The following FOXP1 variants were observed in gnomAD, a reference collection of about 807,000 sequenced individuals.
The protein encoded by FOXP1 is forkhead box P1.
A neutral mutation model predicts 98.2 loss-of-function variants in FOXP1; 15 were observed. That is an observed-to-expected ratio of 0.15 (90% CI 0.10 to 0.24). The LOEUF is 0.24. Ranked by LOEUF, FOXP1 falls within the 10% of genes least tolerant of loss-of-function variation. The probability of loss-of-function intolerance (pLI) is 1.00; values close to 1 mark genes in which losing one functional copy is unlikely to be tolerated. For synonymous variants in FOXP1, 371 were observed against 314.5 expected (o/e 1.18, Z -1.90); for missense variants, 633 against 848.5 (o/e 0.75, Z 3.15).
At chr3:71,147,147 A>C (rs2060350138) in intron 6 of FOXP1, among the ~76,000 whole-genome samples, 1 of 152,314 alleles carries the variant, frequency 6.6e-6, no homozygotes, top group Non-Finnish European at 1.5e-5. Flanking sequence ...CTGGGTCTGC[A>C]CCAAGTAGGC....
At chr3:71,015,926 T>C (rs1453100914) in intron 11 of FOXP1, among the ~76,000 whole-genome samples, 1 of 152,232 alleles carries the variant, frequency 6.6e-6, no homozygotes, top group Non-Finnish European at 1.5e-5. Context: ...TGCAAAGCTC[T>C]TTACTCAGAC....
intron 3 of FOXP1, among the ~76,000 whole-genome samples, chr3:71,475,904 A>G (rs560912047): frequency 1.8e-3 from 73 of 40,846 alleles, no homozygotes; most frequent in African/African-American, 3.1e-3. Context: ...TCTTCAAGGG[A>G]AAAAAAAAAA....
At chr3:71,055,516 T>C (rs2050501984) in intron 7 of FOXP1, among the ~76,000 whole-genome samples, 1 of 152,216 alleles carries the variant, frequency 6.6e-6, no homozygotes, top group African/African-American at 2.4e-5. Context: ...AAATTACCCT[T>C]TTAAAAAGAT....
chr3:71,203,024 C>CA (rs1398609375), intron 5 of FOXP1, among the ~76,000 whole-genome samples: 2 of 152,186 alleles, frequency 1.3e-5, no homozygotes, highest in Non-Finnish European at 2.9e-5. Flanking sequence ...AACTGCCTTG[C>CA]TCCATGACAT....
chr3:71,042,076 T>C (rs1252280248), intron 10 of FOXP1, among the ~76,000 whole-genome samples: 1 of 152,226 alleles, frequency 6.6e-6, no homozygotes, highest in Non-Finnish European at 1.5e-5. Flanking sequence ...TCAAATTGAT[T>C]ATACTATGAT....
chr3:71,542,234 G>A (rs944306818), intron 2 of FOXP1: 5 of 364,226 alleles, frequency 1.4e-5, no homozygotes, highest in African/African-American at 1.1e-4. Flanking sequence ...TATTTTCATT[G>A]GTTAAACCAA....
chr3:71,540,180 AGGT>A (rs1228944580), intron 2 of FOXP1, among the ~76,000 whole-genome samples: 3 of 152,254 alleles, frequency 2.0e-5, no homozygotes, highest in South Asian at 4.1e-4. Context: ...GGCCCCTGCC[AGGT>A]GACAAATCCC....
chr3:71,577,122 T>C (rs977991529), intron 2 of FOXP1, among the ~76,000 whole-genome samples: 1 of 152,182 alleles, frequency 6.6e-6, no homozygotes, highest in Non-Finnish European at 1.5e-5. Flanking sequence ...AGCTGACTTC[T>C]AAACAAGGAT....
intron 2 of FOXP1, among the ~76,000 whole-genome samples, chr3:71,497,167 A>C (rs1039467066): frequency 2.0e-5 from 3 of 152,128 alleles, no homozygotes; most frequent in African/African-American, 4.8e-5. Context: ...CAAAAACAAA[A>C]AAGAAAAGAA....
intron 3 of FOXP1, among the ~76,000 whole-genome samples, chr3:71,440,262 C>T (rs2085798777): frequency 6.6e-6 from 1 of 151,940 alleles, no homozygotes; most frequent in African/African-American, 2.4e-5. Flanking sequence ...TGTATTTTAC[C>T]ACAATTAAAA....
At chr3:71,037,122 G>C (rs1463971675) in intron 11 of FOXP1, among the ~76,000 whole-genome samples, 6 of 152,124 alleles carry the variant, frequency 3.9e-5, no homozygotes. Flanking sequence ...TTCCTGAGTG[G>C]TCAGGTGGAT....
intron 13 of FOXP1, among the ~76,000 whole-genome samples, chr3:70,991,159 T>C (rs1028668046): frequency 6.6e-6 from 1 of 152,078 alleles, no homozygotes; most frequent in South Asian, 2.1e-4. Flanking sequence ...TCAATGGAGT[T>C]TGCAGTTGGG....
intron 11 of FOXP1, among the ~76,000 whole-genome samples, chr3:71,027,873 A>G (rs1389941746): frequency 6.6e-6 from 1 of 152,186 alleles, no homozygotes; most frequent in Non-Finnish European, 1.5e-5. Flanking sequence ...TAAAAAATCA[A>G]GTTTGGTGGT....
intron 6 of FOXP1, among the ~76,000 whole-genome samples, chr3:71,114,148 T>A (rs991116050): frequency 6.6e-6 from 1 of 152,224 alleles, no homozygotes; most frequent in African/African-American, 2.4e-5. Context: ...GACCTGAAGC[T>A]ATAGCCTTAG....
At chr3:71,382,047 G>A (rs752096924) in intron 3 of FOXP1, among the ~76,000 whole-genome samples, 1 of 152,250 alleles carries the variant, frequency 6.6e-6, no homozygotes, top group Middle Eastern at 3.4e-3. Flanking sequence ...CTAGGCAGGC[G>A]AGTTTCTTGA....
intron 11 of FOXP1, among the ~76,000 whole-genome samples, chr3:71,026,358 T>C (rs2046113569): frequency 6.6e-6 from 1 of 152,200 alleles, no homozygotes; most frequent in Non-Finnish European, 1.5e-5. Context: ...TAAAAGCTCA[T>C]AAAGTAGTCC....
At chr3:71,309,161 A>G (rs1264279304) in intron 4 of FOXP1, among the ~76,000 whole-genome samples, 1 of 152,176 alleles carries the variant, frequency 6.6e-6, no homozygotes, top group Non-Finnish European at 1.5e-5. Flanking sequence ...ATAACAATGT[A>G]TCTGTTCCAT....
chr3:71,411,498 AT>A (rs1344622696), intron 3 of FOXP1, among the ~76,000 whole-genome samples: 4 of 151,956 alleles, frequency 2.6e-5, no homozygotes, highest in Non-Finnish European at 5.9e-5. Context: ...AATTTTTTCT[AT>A]TTTTAGTAGA....
At chr3:71,209,903 T>G (rs1469522676) in intron 5 of FOXP1, among the ~76,000 whole-genome samples, 3 of 152,202 alleles carry the variant, frequency 2.0e-5, no homozygotes, top group Non-Finnish European at 2.9e-5. Flanking sequence ...CAAAACATAC[T>G]GAAAAACAGT....
Sources: allele counts gnomAD v4.1 joint callset (sites outside exome capture counted in the v4.1 genomes callset), GRCh38; gene constraint gnomAD v4.1.1; transcripts MANE v1.5; gene names NCBI Gene and HGNC (gene_info 2026-07-23, HGNC 2026-07-21).